NEK4: variants seen among roughly 807,000 people sequenced by gnomAD.
NEK4 encodes serine/threonine-protein kinase Nek4.
In NEK4, 86 loss-of-function variants were observed where a neutral mutation model predicts 98.4. The observed-to-expected ratio is 0.87, with a 90% CI of 0.73 to 1.05. NEK4 has a LOEUF of 1.05. NEK4 is among the 50% of genes least tolerant of loss of function. The pLI is 0.00. For missense variants in NEK4, 898 were observed against 950.3 expected (o/e 0.94, Z 0.72); for synonymous variants, 328 against 342.2 (o/e 0.96, Z 0.46).
Position 52,770,805 on chromosome 3 carries a change from G to T in NEK4, c.-59C>A. On this transcript the variant is annotated 5_prime_UTR_variant, in exon 1 of 16. Transcript: ENST00000233027. ...GGCAGCGGCGGGTAGGGCAGCGGGC[G>T]GCAACAAGAAGCTCGGTTCATGCCC... 1 of 1,449,370 alleles carries T rather than the reference G, an allele frequency of 6.9e-7. No homozygotes were observed. Among genetic ancestry groups the T allele is most frequent in the Admixed American group, 2.0e-5 (1 of 50,654 alleles). The allele number at this position is 1,449,370 out of a possible 1,614,324, so 89.8% of individuals were successfully genotyped here. A position where few individuals can be genotyped will look rare whatever the true frequency, so the allele number is the denominator to read the frequency against.
chr3:52,744,693 A>AG (rs2097392851), intron 10 of NEK4, among the ~76,000 whole-genome samples: 1 of 150,830 alleles, frequency 6.6e-6, no homozygotes, highest in Non-Finnish European at 1.5e-5. Flanking sequence ...CAAAAAAAAA[A>AG]AAAAAAGAAA....
intron 9 of NEK4, 91 bp from the exon 10 acceptor site, chr3:52,746,301 G>A: frequency 7.8e-7 from 1 of 1,281,954 alleles, no homozygotes; most frequent in Non-Finnish European, 1.1e-6. Context: ...TTTGTCCGTG[G>A]TTTGCTCTTA....
intron 13 of NEK4, among the ~76,000 whole-genome samples, chr3:52,740,508 T>G (rs1317838929): frequency 6.6e-6 from 1 of 151,868 alleles, no homozygotes; most frequent in Non-Finnish European, 1.5e-5. Context: ...AGAAAAAAAG[T>G]AAAAACAGGC....
chr3:52,751,256 C>T (rs576340431), intron 7 of NEK4, among the ~76,000 whole-genome samples: 2 of 151,930 alleles, frequency 1.3e-5, no homozygotes, highest in African/African-American at 4.8e-5. Context: ...GAGATCGAGA[C>T]CATCCTGACT....
intron 1 of NEK4, 70 bp downstream of exon 1, chr3:52,770,584 A>G: frequency 8.2e-7 from 1 of 1,218,832 alleles, no homozygotes; most frequent in Non-Finnish European, 1.2e-6. Flanking sequence ...CCCCGACCTA[A>G]TCTACCGGTC....
intron 2 of NEK4, 38 bp downstream of exon 2, chr3:52,768,300 C>T (rs1246515190): frequency 6.4e-7 from 1 of 1,563,132 alleles, no homozygotes. Context: ...TTCTTGCCAT[C>T]TGGGAACAAG....
intron 7 of NEK4, among the ~76,000 whole-genome samples, chr3:52,750,683 G>A (rs983648792): frequency 6.6e-6 from 1 of 151,916 alleles, no homozygotes; most frequent in Non-Finnish European, 1.5e-5. Flanking sequence ...ATCCCAGTAC[G>A]CTGGGAGGCC....
chr3:52,711,640 G>C lies in NEK4; in HGVS notation c.*137C>G. On this transcript the variant is annotated 3_prime_UTR_variant, in exon 16 of 16. Coordinates refer to ENST00000233027, the MANE Select transcript of NEK4 (RefSeq NM_003157.6). ...TGTTCTGTCCAATTTCTTTTCTGTA[G>C]GGAAACGCCAAAGAGATATAAAAAA... 1 of 616,518 alleles carries C rather than the reference G, an allele frequency of 1.6e-6. No homozygotes were observed. The highest frequency in any genetic ancestry group is 2.7e-5 in the East Asian group (1 of 37,150). 38.2% of individuals were successfully genotyped at this position (616,518 alleles called of 1,614,324 possible).
chr3:52,744,034 C>T (rs1294803347), intron 11 of NEK4, among the ~76,000 whole-genome samples: 1 of 152,186 alleles, frequency 6.6e-6, no homozygotes, highest in Non-Finnish European at 1.5e-5. Context: ...ATATCCCCCT[C>T]CTCTGATATT....
At chr3:52,750,346 G>T (rs907082462) in intron 7 of NEK4, among the ~76,000 whole-genome samples, 5 of 152,148 alleles carry the variant, frequency 3.3e-5, no homozygotes, top group Non-Finnish European at 5.9e-5. Flanking sequence ...TCAGGAGTTT[G>T]AGACCAGTCT....
intron 1 of NEK4, 67 bp from the exon 2 acceptor site, chr3:52,768,671 T>C: frequency 1.3e-6 from 2 of 1,497,344 alleles, no homozygotes; most frequent in South Asian, 2.4e-5. Flanking sequence ...CAGAGTTATC[T>C]AAGGGCTCTC....
intron 15 of NEK4, chr3:52,732,567 A>G: frequency 3.7e-6 from 1 of 271,198 alleles, no homozygotes; most frequent in South Asian, 5.1e-5. Flanking sequence ...AAGAAAAGGA[A>G]TCAGGAAAGA....
rs1559439844 is a variant in NEK4 at position 52,751,921 on chromosome 3, A to AT, written c.1368+10dup. 1.2e-6 allele frequency: 2 copies of AT among 1,609,376 alleles called. No homozygotes were observed. The highest frequency in any genetic ancestry group is 2.2e-5 in the South Asian group (2 of 90,732). ...TCCAAAACCAGTATCTCATGTGTGC[A>AT]TATCACTCACCTGGTCCTTTGGCTT... On this transcript the variant is annotated intron_variant, in intron 7 of 15. Transcript: ENST00000233027.
In NEK4 at chr3:52,770,691, T is replaced by G. The variant is rs775089099; in HGVS notation, c.56A>C (p.Glu19Ala). The G allele has an allele frequency of 4.1e-5, 65 of 1,572,384 alleles. No homozygotes were observed. Among genetic ancestry groups the G allele is most frequent in the Non-Finnish European group, 5.2e-5 (60 of 1,160,276 alleles). Residue 19 changes from glutamate (E) to alanine (A), a missense_variant, in exon 1 of 16, where the codon GAG (glutamate) becomes GCG (alanine). Transcript: ENST00000233027. Reference sequence around the variant, plus strand: ...CCGCCGGTGCTTCACAAGCGTCACCTCTCCATAGCTCCCCTTGCCCACGAC... The same window carrying G: ...CCGCCGGTGCTTCACAAGCGTCACCGCTCCATAGCTCCCCTTGCCCACGAC... ...LRVVGKGSYG[E>A]VTLVKHRRDG...
At chr3:52,714,146 G>C (rs1015777030) in intron 15 of NEK4, among the ~76,000 whole-genome samples, 2 of 152,218 alleles carry the variant, frequency 1.3e-5, no homozygotes, top group African/African-American at 4.8e-5. Flanking sequence ...TGAGGTGGGA[G>C]AATGACTTGA....
At position 52,770,648 on chromosome 3, in the gene NEK4, G is replaced by A. The variant is rs201023613; in HGVS notation, c.93+6C>T. ...CCGCCCCTTGCCGGGCCCCACCCCT[G>A]CAGACCTGCTTGCCGTCCCGCCGGT... On this transcript the variant is annotated splice_donor_region_variant and intron_variant, in intron 1 of 15. Coordinates refer to ENST00000233027, the MANE Select transcript of NEK4 (RefSeq NM_003157.6). 2.6e-5 allele frequency: 40 copies of A among 1,545,578 alleles called. No individual in the cohort carries two copies. In the East Asian group the frequency reaches 9.0e-4, roughly 35 times the overall value.
chr3:52,753,652 CA>C, intron 6 of NEK4: 1 of 586,168 alleles, frequency 1.7e-6, no homozygotes, highest in East Asian at 4.5e-5. Context: ...CTTCTATTCC[CA>C]AAAATGCTTT....
rs2097349998 is a variant in NEK4, at chr3:52,711,180, G to A, written c.*597C>T. On this transcript the variant is annotated 3_prime_UTR_variant, in exon 16 of 16. Transcript: ENST00000233027. Reference sequence around the variant, plus strand: ...TCAGTTTTAATTTGTATATACCCTAGATGAGGTTTATATTAAATGAGAATA... The same window carrying A: ...TCAGTTTTAATTTGTATATACCCTAAATGAGGTTTATATTAAATGAGAATA... 1 of 152,308 alleles carries A rather than the reference G, an allele frequency of 6.6e-6. No individual in the cohort carries two copies. The highest frequency in any genetic ancestry group is 2.1e-4 in the South Asian group (1 of 4,836). 9.4% of individuals were successfully genotyped at this position (152,308 alleles called of 1,614,324 possible). A position where few individuals can be genotyped will look rare whatever the true frequency, so the allele number is the denominator to read the frequency against.
intron 6 of NEK4, among the ~76,000 whole-genome samples, chr3:52,759,585 C>A (rs1698275021): frequency 6.6e-6 from 1 of 152,108 alleles, no homozygotes; most frequent in African/African-American, 2.4e-5. Flanking sequence ...ATAATTAGTG[C>A]CGGCAAAGAT....
Sources: gnomAD v4.1 joint callset for allele counts (sites outside exome capture counted in the v4.1 genomes callset) on GRCh38, gnomAD v4.1.1 for gene constraint, MANE v1.5 for transcripts, NCBI Gene and HGNC (gene_info 2026-07-23, HGNC 2026-07-21) for gene names.